Variants in DLG2 observed in about 807,000 individuals in gnomAD.
DLG2 encodes the protein disks large homolog 2.
A neutral mutation model predicts 132.5 loss-of-function variants in DLG2; 45 were observed. That is an observed-to-expected ratio of 0.34 (90% CI 0.27 to 0.44). The LOEUF (loss-of-function observed/expected upper bound fraction) is 0.44. DLG2 is among the 20% of genes least tolerant of loss of function. DLG2 has a pLI of 1.00. For synonymous variants in DLG2, 424 were observed against 419.6 expected (o/e 1.01, Z -0.13); for missense variants, 1,045 against 1,196.9 (o/e 0.87, Z 1.87).
intron 6 of DLG2, among the ~76,000 whole-genome samples, chr11:84,690,955 A>G (rs1441036153): frequency 6.6e-6 from 1 of 151,908 alleles, no homozygotes; most frequent in East Asian, 1.9e-4. Context: ...AATTCTTATA[A>G]CATTGACATA....
intron 15 of DLG2, among the ~76,000 whole-genome samples, chr11:83,909,429 A>G (rs2075652177): frequency 6.6e-6 from 1 of 152,196 alleles, no homozygotes; most frequent in Admixed American, 6.5e-5. Context: ...GTATCATTCC[A>G]TGCTAGACTG....
chr11:85,048,554 T>C (rs762742936), intron 6 of DLG2, among the ~76,000 whole-genome samples: 3 of 152,020 alleles, frequency 2.0e-5, no homozygotes, highest in Non-Finnish European at 4.4e-5. Context: ...TTTATATTGA[T>C]TATGTATCCA....
chr11:85,537,321 C>G (rs1366201430), intron 3 of DLG2, among the ~76,000 whole-genome samples: 2 of 152,198 alleles, frequency 1.3e-5, no homozygotes, highest in Non-Finnish European at 2.9e-5. Flanking sequence ...GCAACTGGCT[C>G]AGGTCACTTT....
chr11:85,491,632 T>A (rs2093562413), intron 3 of DLG2, among the ~76,000 whole-genome samples: 1 of 152,056 alleles, frequency 6.6e-6, no homozygotes, highest in South Asian at 2.1e-4. Flanking sequence ...AAAAGAAATT[T>A]ATTTAAAACC....
At chr11:83,676,959 A>C (rs2077816642) in intron 18 of DLG2, among the ~76,000 whole-genome samples, 1 of 152,190 alleles carries the variant, frequency 6.6e-6, no homozygotes, top group Non-Finnish European at 1.5e-5. Flanking sequence ...CAAATGAACT[A>C]GAAAACGACC....
intron 6 of DLG2, among the ~76,000 whole-genome samples, chr11:84,828,070 G>C (rs2078564648): frequency 6.6e-6 from 1 of 151,760 alleles, no homozygotes; most frequent in South Asian, 2.1e-4. Context: ...TTTTGACATG[G>C]CGGTGGAAAC....
chr11:84,267,217 T>C (rs1030076087), intron 7 of DLG2, among the ~76,000 whole-genome samples: 5 of 114,712 alleles, frequency 4.4e-5, no homozygotes, highest in African/African-American at 1.1e-4. Context: ...ATTGTGATGA[T>C]TGCGTACAAA....
chr11:84,048,837 GA>G (rs934231078), intron 11 of DLG2, among the ~76,000 whole-genome samples: 4 of 146,978 alleles, frequency 2.7e-5, no homozygotes, highest in Admixed American at 6.8e-5. Context: ...ACTTGTTAAA[GA>G]AAAAAAAACA....
intron 6 of DLG2, among the ~76,000 whole-genome samples, chr11:84,716,428 GAC>G (rs931522860): frequency 6.6e-6 from 1 of 151,904 alleles, no homozygotes; most frequent in Non-Finnish European, 1.5e-5. Flanking sequence ...AAAGAAGGGA[GAC>G]ACACACACAT....
chr11:85,313,484 C>T (rs1209731587), intron 3 of DLG2, among the ~76,000 whole-genome samples: 1 of 152,010 alleles, frequency 6.6e-6, no homozygotes, highest in African/African-American at 2.4e-5. Flanking sequence ...CAAATGAAAA[C>T]ATCTCCACAT....
rs1351744536 is a variant in DLG2, at chr11:84,331,454, A to AT, written c.520-80164_520-80163insA. The stretch of plus-strand genomic sequence containing the variant: ...TGTTACTTATCTCAAAAAAAAAAAA[A>AT]AAAAAAATAAATAAATAAATAAAAG... On this transcript the variant is annotated intron_variant, in intron 7 of 27. Transcript: ENST00000376104. Among the ~76,000 whole-genome samples, 388 of 112,310 alleles carry AT rather than the reference A, an allele frequency of 3.5e-3. 1 individual carries two copies. The highest frequency in any genetic ancestry group is 7.9e-3 in the African/African-American group (277 of 34,938). 73.7% of individuals were successfully genotyped at this position (112,310 alleles called of 152,430 possible). A position where few individuals can be genotyped will look rare whatever the true frequency, so the allele number is the denominator to read the frequency against.
Position 84,671,771 on chromosome 11 carries a change from T to G in DLG2, c.358-137040A>C, listed in dbSNP as rs553327070. ...TGGTTTAATCTTGGCTTCTGAAAAT[T>G]CGTCTGAGTCAGTCACTACTCAGAA... On this transcript the variant is annotated intron_variant, in intron 6 of 27. Transcript: ENST00000376104. Among the ~76,000 whole-genome samples the G allele has an allele frequency of 2.6e-5, 4 of 152,298 alleles. 1 individual carries two copies. The highest frequency in any genetic ancestry group is 4.1e-4 in the South Asian group (2 of 4,830).
At chr11:84,020,874 G>C (rs1214766942) in intron 11 of DLG2, among the ~76,000 whole-genome samples, 1 of 152,168 alleles carries the variant, frequency 6.6e-6, no homozygotes, top group Non-Finnish European at 1.5e-5. Flanking sequence ...TAAAGTGCTA[G>C]AGCCAATTAC....
At chr11:83,613,597 G>A (rs1008317034) in intron 19 of DLG2, among the ~76,000 whole-genome samples, 2 of 152,152 alleles carry the variant, frequency 1.3e-5, no homozygotes, top group Non-Finnish European at 2.9e-5. Flanking sequence ...TCCAAATTCT[G>A]AGTCAACTAA....
At chr11:84,587,635 T>C (rs1445358106) in intron 6 of DLG2, among the ~76,000 whole-genome samples, 1 of 152,200 alleles carries the variant, frequency 6.6e-6, no homozygotes, top group Non-Finnish European at 1.5e-5. Context: ...CCAGTGCATC[T>C]GATGGCAGAC....
chr11:84,557,259 G>T (rs80069537), intron 6 of DLG2, among the ~76,000 whole-genome samples: 7,943 of 152,072 alleles, frequency 0.052, 265 homozygotes, highest in African/African-American at 0.079. Flanking sequence ...CATTTGAAAG[G>T]TCTTAGAAGC....
chr11:84,567,965 A>G (rs556739110), intron 6 of DLG2, among the ~76,000 whole-genome samples: 109 of 152,322 alleles, frequency 7.2e-4, no homozygotes, highest in African/African-American at 2.6e-3. Flanking sequence ...CAGAGTGAGA[A>G]TATCTTCCTG....
intron 24 of DLG2, 26 bp downstream of exon 24, chr11:83,471,600 C>G: frequency 1.3e-6 from 2 of 1,551,408 alleles, no homozygotes; most frequent in Non-Finnish European, 1.8e-6. Context: ...TTTGTTTTTC[C>G]TAGAGGAAAG....
intron 7 of DLG2, among the ~76,000 whole-genome samples, chr11:84,419,665 C>T (rs1408815070): frequency 6.6e-6 from 1 of 152,202 alleles, no homozygotes; most frequent in Admixed American, 6.5e-5. Context: ...TCCCCACCCC[C>T]AGACCAGTGC....
Sources: allele counts gnomAD v4.1 joint callset (sites outside exome capture counted in the v4.1 genomes callset), GRCh38; gene constraint gnomAD v4.1.1; transcripts MANE v1.5; gene names NCBI Gene and HGNC (gene_info 2026-07-23, HGNC 2026-07-21).